ANKRD31: variants seen among roughly 807,000 people sequenced by gnomAD.
ANKRD31 encodes the protein ankyrin repeat domain-containing protein 31.
In ANKRD31, 147 loss-of-function variants were observed where a neutral mutation model predicts 186.0. That is an observed-to-expected ratio of 0.79 (90% CI 0.69 to 0.91). The LOEUF is 0.91. Among genes scored for constraint, ANKRD31 ranks in the 40% least tolerant of loss-of-function variants. ANKRD31 has a pLI of 0.00. For synonymous variants in ANKRD31, 673 were observed against 736.4 expected, an observed-to-expected ratio of 0.91 and a Z score of 1.39; for missense variants, 1,986 against 2,148.8, an observed-to-expected ratio of 0.92 and a Z score of 1.50.
intron 25 of ANKRD31, among the ~76,000 whole-genome samples, chr5:75,076,091 T>G (rs1744622432): frequency 6.6e-6 from 1 of 152,184 alleles, no homozygotes; most frequent in Admixed American, 6.6e-5. Context: ...TTTTTACTCA[T>G]GACACTTTGA....
At chr5:75,190,538 T>C (rs1434353908) in intron 9 of ANKRD31, among the ~76,000 whole-genome samples, 3 of 152,172 alleles carry the variant, frequency 2.0e-5, no homozygotes, top group East Asian at 1.9e-4. Flanking sequence ...TGTTACAGAC[T>C]GAATGGTGTC....
chr5:75,206,539 T>C, intron 4 of ANKRD31, 52 bp from the exon 5 acceptor site: 3 of 1,056,978 alleles, frequency 2.8e-6, no homozygotes, highest in Non-Finnish European at 3.8e-6. Context: ...AAAAATAGTG[T>C]TTCTCATTCA....
chr5:75,080,590 A>G lies in ANKRD31; in HGVS notation c.5625T>C (p.Phe1875=), dbSNP rs763841898. 9 of 1,530,192 alleles carry G rather than the reference A, an allele frequency of 5.9e-6. No individual in the cohort carries two copies. The highest frequency in any genetic ancestry group is 7.9e-6 in the Non-Finnish European group (9 of 1,144,754). 94.8% of individuals were successfully genotyped at this position (1,530,192 alleles called of 1,614,324 possible). A position where few individuals can be genotyped will look rare whatever the true frequency, so the allele number is the denominator to read the frequency against. ...TACCTTGTCCAAATTTTGTTTTCTC[A>G]AACATTGATTTGTTTGGTTCCTGTA... ...DPVQEPNKSM[F]EKTKFGQGTS... Residue 1875 remains phenylalanine (F), a synonymous_variant, in exon 25 of 26, where the codon TTT becomes TTC. Transcript: ENST00000506364.
intron 4 of ANKRD31, 47 bp from the exon 5 acceptor site, chr5:75,206,534 T>A: frequency 1.8e-6 from 2 of 1,115,264 alleles, no homozygotes; most frequent in Non-Finnish European, 2.4e-6. Context: ...GAAGAAAAAA[T>A]AGTGTTTCTC....
intron 9 of ANKRD31, among the ~76,000 whole-genome samples, chr5:75,191,762 CG>C (rs1755132353): frequency 6.6e-6 from 1 of 151,848 alleles, no homozygotes; most frequent in Non-Finnish European, 1.5e-5. Context: ...AAGTATGATA[CG>C]TTTCTTATTA....
chr5:75,084,497 T>C (rs1745333232), intron 23 of ANKRD31, 123 bp from the exon 24 acceptor site: 1 of 741,470 alleles, frequency 1.3e-6, no homozygotes, highest in South Asian at 1.7e-5. Flanking sequence ...TTAGCAAGCT[T>C]CAGTCCATGG....
At chr5:75,104,207 A>G (rs1369844097) in intron 22 of ANKRD31, 21 bp downstream of exon 22, 2 of 1,452,160 alleles carry the variant, frequency 1.4e-6, no homozygotes, top group Non-Finnish European at 1.8e-6. Flanking sequence ...GCATGATTTT[A>G]GAGAAAAAAA....
chr5:75,080,648 GA>G lies in ANKRD31; in HGVS notation c.5576-10del. 6.6e-7 allele frequency: 1 copy of G among 1,523,012 alleles called. No homozygotes were observed. Among genetic ancestry groups the G allele is most frequent in the Non-Finnish European group, 8.8e-7 (1 of 1,140,806 alleles). 94.3% of individuals were successfully genotyped at this position (1,523,012 alleles called of 1,614,324 possible). ...ATCTAAACAAGCAACTTCTGAAAGTGAAACAAAACGTTAGTAATAATTTTGC... is the reference window on the plus strand; with the variant it reads ...ATCTAAACAAGCAACTTCTGAAAGTGAACAAAACGTTAGTAATAATTTTGC... On this transcript the variant is annotated splice_polypyrimidine_tract_variant and intron_variant, in intron 24 of 25. Transcript: ENST00000506364.
intron 22 of ANKRD31, among the ~76,000 whole-genome samples, chr5:75,098,774 T>C (rs184070423): frequency 3.9e-5 from 6 of 152,374 alleles, no homozygotes; most frequent in East Asian, 3.9e-4. Context: ...TTTTTGCCCA[T>C]TGATTTTGTA....
intron 22 of ANKRD31, among the ~76,000 whole-genome samples, chr5:75,100,083 C>T (rs1297386437): frequency 6.6e-6 from 1 of 152,204 alleles, no homozygotes; most frequent in Non-Finnish European, 1.5e-5. Flanking sequence ...TCCCTCTACA[C>T]ACTGCTTTAA....
At chr5:75,220,159 C>T (rs1343355854) in intron 3 of ANKRD31, among the ~76,000 whole-genome samples, 1 of 152,218 alleles carries the variant, frequency 6.6e-6, no homozygotes, top group Admixed American at 6.5e-5. Context: ...TTAAACCAAA[C>T]AGCTTCTGCA....
At chr5:75,071,587 C>T (rs900791785) in intron 25 of ANKRD31, among the ~76,000 whole-genome samples, 1 of 151,502 alleles carries the variant, frequency 6.6e-6, no homozygotes, top group African/African-American at 2.4e-5. Context: ...CCTCTGCCTC[C>T]CAGGTTCAAG....
In ANKRD31 at chr5:75,083,046, C is replaced by T. The variant is rs565664525; in HGVS notation, c.5575+1226G>A. On this transcript the variant is annotated intron_variant, in intron 24 of 25. Coordinates refer to ENST00000506364, the MANE Select transcript of ANKRD31 (RefSeq NM_001372053.1). Reference sequence around the variant, plus strand: ...AAGTATTTTGGATTTTAGATTTTTTCAAATTTTGGAATATTTGCATATACA... The same window carrying T: ...AAGTATTTTGGATTTTAGATTTTTTTAAATTTTGGAATATTTGCATATACA... 2.0e-5 allele frequency among the ~76,000 whole-genome samples: 3 copies of T among 152,166 alleles called. No homozygotes were observed. The South Asian group carries it at 6.2e-4, about 32-fold the overall frequency.
intron 17 of ANKRD31, among the ~76,000 whole-genome samples, chr5:75,136,418 CGT>C (rs1750582046): frequency 6.6e-6 from 1 of 152,170 alleles, no homozygotes; most frequent in Non-Finnish European, 1.5e-5. Context: ...AAAAAAAGCT[CGT>C]CATCACTGGC....
intron 18 of ANKRD31, 34 bp from the exon 19 acceptor site, chr5:75,116,715 A>C: frequency 8.1e-7 from 1 of 1,231,616 alleles, no homozygotes; most frequent in Non-Finnish European, 1.1e-6. Context: ...TATAATAAGA[A>C]TGTGCAAAAA....
chr5:75,096,175 ATC>A (rs1746302085), intron 22 of ANKRD31, among the ~76,000 whole-genome samples: 1 of 152,174 alleles, frequency 6.6e-6, no homozygotes, highest in South Asian at 2.1e-4. Flanking sequence ...CCTCGCCAGC[ATC>A]TGTTATTTCT....
intron 17 of ANKRD31, among the ~76,000 whole-genome samples, chr5:75,127,834 A>G (rs1045535334): frequency 1.3e-5 from 2 of 152,186 alleles, no homozygotes; most frequent in African/African-American, 2.4e-5. Flanking sequence ...ATTCAGTGTA[A>G]AGGTGTAAAG....
intron 22 of ANKRD31, among the ~76,000 whole-genome samples, chr5:75,092,875 G>A (rs1368622321): frequency 1.3e-5 from 2 of 151,768 alleles, no homozygotes; most frequent in Admixed American, 6.6e-5. Flanking sequence ...ATGATGACAA[G>A]GTCACATCAA....
chr5:75,098,352 A>G (rs895321759), intron 22 of ANKRD31, among the ~76,000 whole-genome samples: 3 of 151,512 alleles, frequency 2.0e-5, no homozygotes, highest in African/African-American at 4.8e-5. Flanking sequence ...TATACTTTGA[A>G]CTCAGGTAGC....
Sources: allele counts gnomAD v4.1 joint callset (sites outside exome capture counted in the v4.1 genomes callset), GRCh38; gene constraint gnomAD v4.1.1; transcripts MANE v1.5; gene names NCBI Gene and HGNC (gene_info 2026-07-23, HGNC 2026-07-21).